Variants in UBE2C observed in about 807,000 individuals in gnomAD.
UBE2C encodes ubiquitin-conjugating enzyme E2 C.
A neutral mutation model predicts 23.5 loss-of-function variants in UBE2C; 16 were observed. The observed-to-expected ratio is 0.68, with a 90% CI of 0.46 to 1.03. The LOEUF (loss-of-function observed/expected upper bound fraction) is 1.03, where lower values mean the gene tolerates loss of function less well. Ranked by LOEUF, UBE2C falls within the 50% of genes least tolerant of loss-of-function variation. The probability of loss-of-function intolerance (pLI) is 0.00; values close to 1 mark genes in which losing one functional copy is unlikely to be tolerated. For synonymous variants in UBE2C, 76 were observed against 91.6 expected, an observed-to-expected ratio of 0.83 and a Z score of 0.97; for missense variants, 192 against 227.6, an observed-to-expected ratio of 0.84 and a Z score of 1.01.
rs923921474 is a variant in UBE2C at position 45,814,102 on chromosome 20, C to T, written c.130-282C>T. On this transcript the variant is annotated intron_variant, in intron 2 of 5. Coordinates refer to ENST00000356455, the MANE Select transcript of UBE2C (RefSeq NM_007019.4). ...TGGGCGACAGAGTGTGTGTGTGTGT[C>T]TGTCTCTGTCTATCTCTCTCTCTCA... 4.7e-4 allele frequency among the ~76,000 whole-genome samples: 70 copies of T among 148,288 alleles called. No individual in the cohort carries two copies. In the Middle Eastern group the frequency reaches 0.017, roughly 36 times the overall value.
intron 3 of UBE2C, 160 bp from the exon 4 acceptor site, chr20:45,815,381 T>G: frequency 6.3e-7 from 1 of 1,578,030 alleles, no homozygotes; most frequent in Non-Finnish European, 8.6e-7. Context: ...AAAAAAACTT[T>G]TTAAAAAGGC....
intron 3 of UBE2C, among the ~76,000 whole-genome samples, chr20:45,815,126 C>T (rs766355335): frequency 6.6e-6 from 1 of 152,022 alleles, no homozygotes; most frequent in Admixed American, 6.5e-5. Context: ...CGTGAGCCAC[C>T]ACGCCCGGCC....
chr20:45,814,532 G>A, intron 3 of UBE2C, 62 bp downstream of exon 3: 2 of 1,368,660 alleles, frequency 1.5e-6, no homozygotes, highest in South Asian at 1.2e-5. Context: ...AGATCCAAGT[G>A]CGAGCTCTGC....
chr20:45,814,271 C>CATATATATATAT lies in UBE2C; in HGVS notation c.130-95_130-84dup, dbSNP rs3080107. On this transcript the variant is annotated intron_variant, in intron 2 of 5. Transcript: ENST00000356455. ...ATATATGTGTGTGTGTGTATGTGAG[C>CATATATATATAT]ATATATATATATATATATATATATA... is the stretch of plus-strand genomic sequence containing the variant. The CATATATATATAT allele has an allele frequency of 1.2e-3, 467 of 391,396 alleles. 10 individuals are homozygous for CATATATATATAT. The highest frequency in any genetic ancestry group is 4.4e-3 in the African/African-American group (177 of 39,786). The allele number at this position is 391,396 out of a possible 1,614,324, so 24.2% of individuals were successfully genotyped here.
chr20:45,813,427 C>T lies in UBE2C; in HGVS notation c.102-10C>T. 2 of 1,614,106 alleles carry T rather than the reference C, an allele frequency of 1.2e-6. No individual in the cohort carries two copies. Among genetic ancestry groups the T allele is most frequent in the Non-Finnish European group, 1.7e-6 (2 of 1,180,018 alleles). On this transcript the variant is annotated splice_polypyrimidine_tract_variant and intron_variant, in intron 1 of 5. Transcript: ENST00000356455. ...AGACTCCCAGGTAACCCCGAATACTCTTTTTTCAGGCTACAGCAGGAGCTG... is the reference window on the plus strand; with the variant it reads ...AGACTCCCAGGTAACCCCGAATACTTTTTTTTCAGGCTACAGCAGGAGCTG...
intron 5 of UBE2C, 75 bp downstream of exon 5, chr20:45,815,988 A>G: frequency 6.5e-7 from 1 of 1,544,842 alleles, no homozygotes; most frequent in Non-Finnish European, 8.8e-7. Flanking sequence ...AAAGGAGCCC[A>G]GTGACTTGGG....
intron 1 of UBE2C, 50 bp downstream of exon 1, chr20:45,812,846 G>C: frequency 6.6e-7 from 1 of 1,516,608 alleles, no homozygotes; most frequent in Admixed American, 2.2e-5. Flanking sequence ...CCTAGGCATT[G>C]GTACCCAGAG....
chr20:45,816,624 G>A (rs888026423), intron 5 of UBE2C, 85 bp from the exon 6 acceptor site: 19 of 1,304,450 alleles, frequency 1.5e-5, no homozygotes, highest in Non-Finnish European at 2.0e-5. Flanking sequence ...TCAACAGAGT[G>A]AGACTCCATC....
In UBE2C at chr20:45,816,894, T is replaced by G. The variant is rs1982623249; in HGVS notation, c.*127T>G. On this transcript the variant is annotated 3_prime_UTR_variant, in exon 6 of 6. Coordinates refer to ENST00000356455, the MANE Select transcript of UBE2C (RefSeq NM_007019.4). ...GTATTTTTGTTTTGTTTTTGTCTTTTAAATTAAGCCTCGGTTGAGCCCTTG... is the reference window on the plus strand; with the variant it reads ...GTATTTTTGTTTTGTTTTTGTCTTTGAAATTAAGCCTCGGTTGAGCCCTTG... 2.5e-6 allele frequency: 2 copies of G among 789,606 alleles called. No homozygotes were observed. Among genetic ancestry groups the G allele is most frequent in the Admixed American group, 3.3e-5 (1 of 30,328 alleles). 48.9% of individuals were successfully genotyped at this position (789,606 alleles called of 1,614,324 possible).
Position 45,816,782 on chromosome 20 carries a change from C to A in UBE2C, c.*15C>A, listed in dbSNP as rs1258397495. On this transcript the variant is annotated 3_prime_UTR_variant, in exon 6 of 6. Coordinates refer to ENST00000356455, the MANE Select transcript of UBE2C (RefSeq NM_007019.4). ...AGGAGCCCTGACCCAGGCTGCCCAG[C>A]CTGTCCTTGTGTCGTCTTTTTAATT... 3.7e-6 allele frequency: 6 copies of A among 1,611,532 alleles called. No individual in the cohort carries two copies. The highest frequency in any genetic ancestry group is 4.5e-5 in the East Asian group (2 of 44,852).
chr20:45,813,060 T>C, intron 1 of UBE2C: 2 of 1,409,250 alleles, frequency 1.4e-6, no homozygotes, highest in South Asian at 3.2e-5. Context: ...TCTTTGAGAC[T>C]CTCCCGAAGG....
At chr20:45,816,625 A>T (rs1423569553) in intron 5 of UBE2C, 84 bp from the exon 6 acceptor site, 1 of 1,308,906 alleles carries the variant, frequency 7.6e-7, no homozygotes, top group Non-Finnish European at 1.1e-6. Context: ...CAACAGAGTG[A>T]GACTCCATCT....
chr20:45,812,694 G>C lies in UBE2C; in HGVS notation c.-2G>C. ...TCCTGTCTCTCTGCCAACGCCGCCC[G>C]GATGGCTTCCCAAAACCGCGACCCA... On this transcript the variant is annotated 5_prime_UTR_variant, in exon 1 of 6. Transcript: ENST00000356455. The C allele has an allele frequency of 6.4e-7, 1 of 1,551,118 alleles. No individual in the cohort carries two copies. The highest frequency in any genetic ancestry group is 8.7e-7 in the Non-Finnish European group (1 of 1,147,102).
At chr20:45,813,527 C>G in intron 2 of UBE2C, 63 bp downstream of exon 2, 1 of 1,611,420 alleles carries the variant, frequency 6.2e-7, no homozygotes, top group South Asian at 1.1e-5. Context: ...TCCTTTTTTC[C>G]GTCAGCTTTT....
intron 3 of UBE2C, among the ~76,000 whole-genome samples, chr20:45,815,020 G>T (rs1192740893): frequency 6.6e-6 from 1 of 151,326 alleles, no homozygotes; most frequent in Non-Finnish European, 1.5e-5. Context: ...TGTATTTTTA[G>T]TAGAGACGGG....
chr20:45,814,582 G>A, intron 3 of UBE2C, 112 bp downstream of exon 3: 1 of 761,506 alleles, frequency 1.3e-6, no homozygotes, highest in Non-Finnish European at 2.1e-6. Flanking sequence ...TCCTGTGACT[G>A]TTTACATTCT....
In UBE2C at chr20:45,815,626, CCTG is replaced by C. The variant is rs773543281; in HGVS notation, c.305_307del (p.Cys102del). On this transcript the variant is annotated inframe_deletion, in exon 4 of 6. Coordinates refer to ENST00000356455, the MANE Select transcript of UBE2C (RefSeq NM_007019.4). ...GCGCCCACAGTGAAGTTCCTCACGC[CCTG>C]CTATCACCCCAACGTGGACACCCAG... 1 of 1,613,840 alleles carries C rather than the reference CCTG, an allele frequency of 6.2e-7. No homozygotes were observed. The highest frequency in any genetic ancestry group is 8.5e-7 in the Non-Finnish European group (1 of 1,179,920).
intron 3 of UBE2C, among the ~76,000 whole-genome samples, chr20:45,814,872 C>G (rs1282134207): frequency 6.6e-6 from 1 of 150,584 alleles, no homozygotes; most frequent in Non-Finnish European, 1.5e-5. Flanking sequence ...CGCTCTGTCG[C>G]CCAGGCCAGA....
At chr20:45,813,088 G>A (rs1601038958) in intron 1 of UBE2C, 2 of 1,402,952 alleles carry the variant, frequency 1.4e-6, no homozygotes, top group Non-Finnish European at 1.8e-6. Flanking sequence ...GAGGGTAGGG[G>A]CGCTGCCAGA....
Sources: gnomAD v4.1 joint callset for allele counts (sites outside exome capture counted in the v4.1 genomes callset) on GRCh38, gnomAD v4.1.1 for gene constraint, MANE v1.5 for transcripts, NCBI Gene and HGNC (gene_info 2026-07-23, HGNC 2026-07-21) for gene names.